Variants in BCL7A observed in about 807,000 individuals in gnomAD.
BCL7A encodes B-cell CLL/lymphoma 7 protein family member A.
In BCL7A, 11 loss-of-function variants were observed where a neutral mutation model predicts 28.4. The ratio of observed to expected loss-of-function variants is 0.39; its 90% CI spans 0.24 to 0.64. BCL7A has a LOEUF of 0.64. Ranked by LOEUF, BCL7A falls within the 30% of genes least tolerant of loss-of-function variation. The probability of loss-of-function intolerance (pLI) is 0.50; values close to 1 mark genes in which losing one functional copy is unlikely to be tolerated. For missense variants in BCL7A, 222 were observed against 274.8 expected, an observed-to-expected ratio of 0.81 and a Z score of 1.36; for synonymous variants, 123 against 103.3, an observed-to-expected ratio of 1.19 and a Z score of -1.15.
intron 1 of BCL7A, among the ~76,000 whole-genome samples, chr12:122,022,964 G>C (rs559704939): frequency 6.6e-6 from 1 of 152,280 alleles, no homozygotes. Context: ...GGCCGCGGCT[G>C]CCTCTCCACA....
chr12:122,055,141 C>T, intron 5 of BCL7A: 2 of 985,026 alleles, frequency 2.0e-6, no homozygotes, highest in South Asian at 3.3e-5. Flanking sequence ...GTGGCCTCTG[C>T]CCTCAAGGAG....
chr12:122,054,478 G>C (rs1884266071), intron 4 of BCL7A, among the ~76,000 whole-genome samples: 1 of 152,168 alleles, frequency 6.6e-6, no homozygotes, highest in Admixed American at 6.5e-5. Context: ...CATGATTGTT[G>C]GTGCGCACTG....
At chr12:122,034,241 ATATC>A (rs1883804243) in intron 2 of BCL7A, among the ~76,000 whole-genome samples, 1 of 79,374 alleles carries the variant, frequency 1.3e-5, no homozygotes, top group Admixed American at 1.7e-4. Context: ...ATATATATAT[ATATC>A]TTGGCGATAT....
Position 122,059,964 on chromosome 12 carries a change from G to A in BCL7A, c.*801G>A, listed in dbSNP as rs1178141778. 2 of 233,016 alleles carry A rather than the reference G, an allele frequency of 8.6e-6. No individual in the cohort carries two copies. Among genetic ancestry groups the A allele is most frequent in the African/African-American group, 2.2e-5 (1 of 45,276 alleles). The allele number at this position is 233,016 out of a possible 1,614,324, so 14.4% of individuals were successfully genotyped here. On this transcript the variant is annotated 3_prime_UTR_variant, in exon 6 of 6. Coordinates refer to ENST00000261822, the MANE Select transcript of BCL7A (RefSeq NM_001024808.3). The surrounding 1 kb of genome is among the most constrained non-coding windows in gnomAD (Gnocchi z 4.0). ...GCCCAGATGGACGTGCAAAGCCCTTGGAATTTTCTGGCACTTCCTCTCTAT... is the reference window on the plus strand; with the variant it reads ...GCCCAGATGGACGTGCAAAGCCCTTAGAATTTTCTGGCACTTCCTCTCTAT...
intron 2 of BCL7A, among the ~76,000 whole-genome samples, chr12:122,031,246 C>G (rs1267771451): frequency 6.6e-6 from 1 of 152,166 alleles, no homozygotes; most frequent in Non-Finnish European, 1.5e-5. Flanking sequence ...CCAGGCTCGT[C>G]TTGAACTCCT....
At chr12:122,035,276 G>A (rs884786) in intron 2 of BCL7A, 55 bp from the exon 3 acceptor site, 70,528 of 1,496,660 alleles carry the variant, frequency 0.047, 1,997 homozygotes, top group Middle Eastern at 0.053. Flanking sequence ...CTCTGAGCAC[G>A]TGTGCGCACA....
chr12:122,058,161 C>T (rs1224186799), intron 5 of BCL7A, among the ~76,000 whole-genome samples: 1 of 152,092 alleles, frequency 6.6e-6, no homozygotes, highest in Non-Finnish European at 1.5e-5. Flanking sequence ...GACCACTACA[C>T]CCCAGCCTGA....
At chr12:122,052,596 G>A (rs1884212755) in intron 4 of BCL7A, among the ~76,000 whole-genome samples, 1 of 152,096 alleles carries the variant, frequency 6.6e-6, no homozygotes, top group South Asian at 2.1e-4. Context: ...TCATATAAAT[G>A]GAATCATATA....
intron 1 of BCL7A, among the ~76,000 whole-genome samples, chr12:122,023,939 T>G (rs542120497): frequency 6.6e-6 from 1 of 152,234 alleles, no homozygotes; most frequent in East Asian, 1.9e-4. Flanking sequence ...CTTTCTCTGC[T>G]CGAGGAGGCG....
rs1452090935 is a variant in BCL7A at position 122,059,736 on chromosome 12, G to A, written c.*573G>A. On this transcript the variant is annotated 3_prime_UTR_variant, in exon 6 of 6. Transcript: ENST00000261822. This position sits in a 1 kb window ranked among gnomAD's most constrained non-coding sequence, Gnocchi z 4.0. ...GGACTTCATCGGAGCAGGCAGGGTG[G>A]AGCGAAGGAGCTCCTTAGCCCACCT... The A allele has an allele frequency of 4.3e-6, 1 of 232,150 alleles. No individual in the cohort carries two copies. The highest frequency in any genetic ancestry group is 8.5e-6 in the Non-Finnish European group (1 of 117,542). 14.4% of individuals were successfully genotyped at this position (232,150 alleles called of 1,614,324 possible).
At chr12:122,044,848 T>G (rs1198275802) in intron 4 of BCL7A, among the ~76,000 whole-genome samples, 1 of 152,096 alleles carries the variant, frequency 6.6e-6, no homozygotes, top group Non-Finnish European at 1.5e-5. Flanking sequence ...TATTAATAAA[T>G]TTTAAATGTA....
chr12:122,023,239 C>G (rs1883515989), intron 1 of BCL7A, among the ~76,000 whole-genome samples: 1 of 152,220 alleles, frequency 6.6e-6, no homozygotes, highest in Admixed American at 6.5e-5. Context: ...CTGATTTCAA[C>G]TTTATTATTT....
intron 1 of BCL7A, among the ~76,000 whole-genome samples, chr12:122,024,252 T>G (rs541526857): frequency 6.6e-6 from 1 of 152,308 alleles, no homozygotes; most frequent in South Asian, 2.1e-4. Context: ...CCAGTTCACT[T>G]CGTTGCCGCG....
At chr12:122,036,434 G>A (rs769799873) in intron 3 of BCL7A, among the ~76,000 whole-genome samples, 10 of 152,106 alleles carry the variant, frequency 6.6e-5, no homozygotes, top group Non-Finnish European at 4.4e-5. Context: ...ACCCAAAAAA[G>A]TTGTAATCTA....
chr12:122,035,753 GCC>G (rs1883837437), intron 3 of BCL7A, among the ~76,000 whole-genome samples: 1 of 152,120 alleles, frequency 6.6e-6, no homozygotes, highest in African/African-American at 2.4e-5. Context: ...ATGTTTCTTC[GCC>G]CCCTCATATA....
At position 122,061,224 on chromosome 12, in the gene BCL7A, A is replaced by C; in HGVS notation, c.*2061A>C. ...AGGCTACAACCAAGACAGCTGAAGG[A>C]GAATGAAACACACACATCCACAGAA... On this transcript the variant is annotated 3_prime_UTR_variant, in exon 6 of 6. Coordinates refer to ENST00000261822, the MANE Select transcript of BCL7A (RefSeq NM_001024808.3). 4.4e-6 allele frequency: 1 copy of C among 229,472 alleles called. No homozygotes were observed. The highest frequency in any genetic ancestry group is 6.2e-5 in the East Asian group (1 of 16,204). 14.2% of individuals were successfully genotyped at this position (229,472 alleles called of 1,614,324 possible).
In BCL7A at chr12:122,054,723, A is replaced by C. The variant is rs999059975; in HGVS notation, c.440-82A>C. 35 of 1,398,528 alleles carry C rather than the reference A, an allele frequency of 2.5e-5. 1 individual carries two copies. The East Asian group carries it at 7.8e-4, about 31-fold the overall frequency. 86.6% of individuals were successfully genotyped at this position (1,398,528 alleles called of 1,614,324 possible). Reference sequence around the variant, plus strand: ...CACTGGCCCCAAAACTACCCGATTCAAGGTATTTTCAGTATTTGGCCCCAC... The same window carrying C: ...CACTGGCCCCAAAACTACCCGATTCCAGGTATTTTCAGTATTTGGCCCCAC... On this transcript the variant is annotated intron_variant, in intron 4 of 5. Coordinates refer to ENST00000261822, the MANE Select transcript of BCL7A (RefSeq NM_001024808.3).
chr12:122,047,493 C>T (rs1884101117), intron 4 of BCL7A, among the ~76,000 whole-genome samples: 1 of 151,556 alleles, frequency 6.6e-6, no homozygotes, highest in African/African-American at 2.4e-5. Context: ...CACTGCACTC[C>T]AGCCTGGGCG....
intron 2 of BCL7A, among the ~76,000 whole-genome samples, chr12:122,031,432 T>C (rs964236677): frequency 2.0e-5 from 3 of 152,146 alleles, no homozygotes; most frequent in African/African-American, 7.2e-5. Flanking sequence ...CCCACCTTTG[T>C]GGTTCTGTTC....
Sources: gnomAD v4.1 joint callset for allele counts (sites outside exome capture counted in the v4.1 genomes callset) on GRCh38, gnomAD v4.1.1 for gene constraint, Gnocchi (gnomAD v3.1) non-coding constraint, MANE v1.5 for transcripts, NCBI Gene and HGNC (gene_info 2026-07-23, HGNC 2026-07-21) for gene names.